The following NEURL1 variants were observed in gnomAD, a reference collection of about 807,000 sequenced individuals.
The protein encoded by NEURL1 is E3 ubiquitin-protein ligase NEURL1.
NEURL1 carries 26 observed loss-of-function variants against 41.2 expected under a neutral mutation model. That is an observed-to-expected ratio of 0.63 (90% confidence interval 0.46 to 0.87). NEURL1 has a LOEUF of 0.87. Ranked by LOEUF, NEURL1 falls within the 40% of genes least tolerant of loss-of-function variation. The probability of loss-of-function intolerance (pLI) is 0.00; values close to 1 mark genes in which losing one functional copy is unlikely to be tolerated. For synonymous variants in NEURL1, 400 were observed against 402.3 expected (o/e 0.99, Z 0.07); for missense variants, 761 against 871.1 (o/e 0.87, Z 1.59).
At position 103,571,641 on chromosome 10, in the gene NEURL1, G is replaced by A. The variant is rs757896891; in HGVS notation, c.468G>A (p.Ala156=). ...CCCAGAGTGGCTTCTGGGCCAAGGC[G>A]CTGCCTGAGGAGTTTGCCAATGAGG... The part of the protein sequence containing the change: ...LVSQSGFWAK[A]LPEEFANEGN... Residue 156 remains alanine (A), a synonymous_variant, in exon 3 of 6, where the codon GCG becomes GCA. Coordinates refer to ENST00000369780, the MANE Select transcript of NEURL1 (RefSeq NM_004210.5). 6.2e-6 allele frequency: 10 copies of A among 1,614,010 alleles called. No homozygotes were observed. The South Asian group carries it at 8.8e-5, about 14-fold the overall frequency.
intron 1 of NEURL1, among the ~76,000 whole-genome samples, chr10:103,536,318 T>C (rs1284419526): frequency 6.6e-6 from 1 of 151,818 alleles, no homozygotes; most frequent in Non-Finnish European, 1.5e-5. Context: ...CTGAGGCGGG[T>C]GGATCACCTG....
At chr10:103,564,442 C>T (rs147854512) in intron 1 of NEURL1, among the ~76,000 whole-genome samples, 1 of 152,194 alleles carries the variant, frequency 6.6e-6, no homozygotes, top group African/African-American at 2.4e-5. Context: ...CACGCCCCCC[C>T]CATTTTGAGG....
intron 1 of NEURL1, among the ~76,000 whole-genome samples, chr10:103,534,204 G>A (rs1452793361): frequency 1.0e-5 from 1 of 98,644 alleles, no homozygotes; most frequent in East Asian, 3.5e-4. Context: ...GTATCTTGTT[G>A]ATTTCCTTAA....
intron 1 of NEURL1, among the ~76,000 whole-genome samples, chr10:103,543,345 C>T (rs1375238732): frequency 6.6e-6 from 1 of 152,206 alleles, no homozygotes; most frequent in Non-Finnish European, 1.5e-5. Flanking sequence ...ACTGCAGGAA[C>T]AAGGAGGGCC....
At chr10:103,502,098 T>A (rs921613451) in intron 1 of NEURL1, among the ~76,000 whole-genome samples, 1 of 152,044 alleles carries the variant, frequency 6.6e-6, no homozygotes, top group African/African-American at 2.4e-5. Flanking sequence ...ACGAGACAGC[T>A]GAGATTAATG....
At chr10:103,557,357 C>A (rs2035178276) in intron 1 of NEURL1, among the ~76,000 whole-genome samples, 1 of 152,016 alleles carries the variant, frequency 6.6e-6, no homozygotes, top group Non-Finnish European at 1.5e-5. Flanking sequence ...GGAAAGGCAA[C>A]CTGGGCCCAA....
chr10:103,550,762 C>T (rs1488677636), intron 1 of NEURL1: 1 of 152,244 alleles, frequency 6.6e-6, no homozygotes, highest in Non-Finnish European at 1.5e-5. Context: ...CTGGATGGAG[C>T]ATGAGTTTTG....
At chr10:103,523,282 C>G (rs1345784163) in intron 1 of NEURL1, among the ~76,000 whole-genome samples, 1 of 151,674 alleles carries the variant, frequency 6.6e-6, no homozygotes, top group Non-Finnish European at 1.5e-5. Context: ...TAGTGAGACC[C>G]CCATCTTTAC....
chr10:103,573,719 C>T lies in NEURL1; in HGVS notation c.649+1897C>T, dbSNP rs375576862. On this transcript the variant is annotated intron_variant, in intron 3 of 5. Coordinates refer to ENST00000369780, the MANE Select transcript of NEURL1 (RefSeq NM_004210.5). ...CACATGGTGGAAGACAAAGTCTCTG[C>T]TCCTGAGAAAGCCACAGTCTTGTTG... is the stretch of plus-strand genomic sequence containing the variant. 1.1e-3 allele frequency among the ~76,000 whole-genome samples: 167 copies of T among 152,280 alleles called. 2 individuals are homozygous for T. The highest frequency in any genetic ancestry group is 1.5e-3 in the Admixed American group (23 of 15,288).
chr10:103,583,814 C>G (rs2035837238), intron 3 of NEURL1, among the ~76,000 whole-genome samples: 1 of 116,906 alleles, frequency 8.6e-6, no homozygotes, highest in Non-Finnish European at 1.8e-5. Flanking sequence ...ATGCTTTTCT[C>G]TGGGTGGTGG....
At chr10:103,499,106 A>G (rs2033760456) in intron 1 of NEURL1, among the ~76,000 whole-genome samples, 1 of 152,184 alleles carries the variant, frequency 6.6e-6, no homozygotes, top group South Asian at 2.1e-4. Context: ...TGGATACTTC[A>G]CAAAGTCACT....
intron 1 of NEURL1, among the ~76,000 whole-genome samples, chr10:103,548,238 A>C (rs907594561): frequency 5.3e-5 from 8 of 152,218 alleles, no homozygotes; most frequent in African/African-American, 1.7e-4. Context: ...CAAAGCTTAG[A>C]ATGTGCCTGA....
intron 1 of NEURL1, among the ~76,000 whole-genome samples, chr10:103,514,388 G>A (rs969634969): frequency 1.3e-5 from 2 of 152,048 alleles, no homozygotes; most frequent in African/African-American, 4.8e-5. Flanking sequence ...CCGCGTCCCC[G>A]GGCTGGTTAC....
chr10:103,583,775 C>T (rs1367195666), intron 3 of NEURL1, among the ~76,000 whole-genome samples: 2 of 144,870 alleles, frequency 1.4e-5, no homozygotes, highest in Non-Finnish European at 3.0e-5. Context: ...TTTAAAAAGG[C>T]CAAAAGATCA....
chr10:103,509,855 G>A (rs1192428076), intron 1 of NEURL1, among the ~76,000 whole-genome samples: 1 of 152,200 alleles, frequency 6.6e-6, no homozygotes, highest in Admixed American at 6.5e-5. Context: ...GGGAGTATGG[G>A]TTCCAGGTTG....
chr10:103,501,594 G>T (rs958255200), intron 1 of NEURL1, among the ~76,000 whole-genome samples: 2 of 134,874 alleles, frequency 1.5e-5, no homozygotes, highest in Non-Finnish European at 3.2e-5. Flanking sequence ...CCATAAAGGA[G>T]AGGTAGGTAT....
At chr10:103,516,521 T>A (rs990824053) in intron 1 of NEURL1, among the ~76,000 whole-genome samples, 9 of 152,016 alleles carry the variant, frequency 5.9e-5, no homozygotes, top group Middle Eastern at 3.4e-3. Context: ...AGAAGAGAGA[T>A]CAGGGCCACA....
intron 3 of NEURL1, among the ~76,000 whole-genome samples, chr10:103,578,802 A>G (rs1592238170): frequency 6.6e-6 from 1 of 151,524 alleles, no homozygotes; most frequent in African/African-American, 2.4e-5. Flanking sequence ...GGGGTGGAGA[A>G]CCCCCTTGCC....
At chr10:103,584,142 GT>G (rs1013254976) in intron 3 of NEURL1, among the ~76,000 whole-genome samples, 1 of 152,196 alleles carries the variant, frequency 6.6e-6, no homozygotes, top group South Asian at 2.1e-4. Context: ...GACGGTTACT[GT>G]TTGTCAACAG....
Sources: allele counts gnomAD v4.1 joint callset (sites outside exome capture counted in the v4.1 genomes callset), GRCh38; gene constraint gnomAD v4.1.1; transcripts MANE v1.5; gene names NCBI Gene and HGNC (gene_info 2026-07-23, HGNC 2026-07-21).